The following APBB1IP variants were observed in gnomAD, a reference collection of about 807,000 sequenced individuals.
The protein encoded by APBB1IP is amyloid beta A4 precursor protein-binding family B member 1-interacting protein.
APBB1IP carries 27 observed loss-of-function variants against 64.9 expected under a neutral mutation model. That is an observed-to-expected ratio of 0.42 (90% CI 0.31 to 0.57). The LOEUF (loss-of-function observed/expected upper bound fraction) is 0.57. Ranked by LOEUF, APBB1IP falls within the 20% of genes least tolerant of loss-of-function variation. APBB1IP has a pLI of 0.20. For synonymous variants in APBB1IP, 392 were observed against 331.0 expected (o/e 1.18, Z -2.00); for missense variants, 812 against 845.5 (o/e 0.96, Z 0.49).
chr10:26,480,424 C>G (rs1487274807), intron 2 of APBB1IP, among the ~76,000 whole-genome samples: 2 of 151,980 alleles, frequency 1.3e-5, no homozygotes, highest in African/African-American at 4.8e-5. Context: ...ACATTGGCCT[C>G]TGTGAGGAGG....
chr10:26,543,284 TG>T (rs375737035), intron 11 of APBB1IP, among the ~76,000 whole-genome samples: 4 of 151,946 alleles, frequency 2.6e-5, no homozygotes, highest in African/African-American at 9.7e-5. Flanking sequence ...CTGGCCAACA[TG>T]GTGAAACCCT....
intron 3 of APBB1IP, among the ~76,000 whole-genome samples, chr10:26,496,082 C>T (rs1836020744): frequency 6.7e-6 from 1 of 149,926 alleles, no homozygotes; most frequent in South Asian, 2.1e-4. Flanking sequence ...TCTCAATTGA[C>T]GTGGTCTGTT....
At position 26,549,710 on chromosome 10, in the gene APBB1IP, T is replaced by C. The variant is rs1340336295; in HGVS notation, c.1155+8018T>C. Among the ~76,000 whole-genome samples, 3 of 152,018 alleles carry C rather than the reference T, an allele frequency of 2.0e-5. No homozygotes were observed. In the East Asian group the frequency reaches 5.8e-4, roughly 29 times the overall value. ...TTTCTTTCAGTCATCTTTCTTTTTTTCTTAGACTAGCTAAAGGTTTCTCAA... is the reference window on the plus strand; with the variant it reads ...TTTCTTTCAGTCATCTTTCTTTTTTCCTTAGACTAGCTAAAGGTTTCTCAA... On this transcript the variant is annotated intron_variant, in intron 11 of 14. Transcript: ENST00000376236.
chr10:26,525,371 C>T (rs1318934580), intron 8 of APBB1IP, among the ~76,000 whole-genome samples: 1 of 152,112 alleles, frequency 6.6e-6, no homozygotes, highest in Admixed American at 6.6e-5. Context: ...CTGAAGGCTC[C>T]AATGTCACGT....
intron 9 of APBB1IP, among the ~76,000 whole-genome samples, chr10:26,533,760 T>C (rs538824998): frequency 6.6e-6 from 1 of 152,356 alleles, no homozygotes; most frequent in Admixed American, 6.5e-5. Context: ...TTTGTAATTC[T>C]TGACTTTTAA....
At chr10:26,453,547 G>A (rs886587130) in intron 2 of APBB1IP, among the ~76,000 whole-genome samples, 1 of 152,078 alleles carries the variant, frequency 6.6e-6, no homozygotes, top group East Asian at 1.9e-4. Flanking sequence ...TTTCTCTGAT[G>A]ACGTGGACTT....
chr10:26,447,331 C>T (rs1484911295), intron 2 of APBB1IP, among the ~76,000 whole-genome samples: 23 of 146,610 alleles, frequency 1.6e-4, no homozygotes, highest in South Asian at 8.7e-4. Flanking sequence ...GCCGAGATCG[C>T]GCCACTGCAC....
At chr10:26,438,493 A>G (rs1835303817) in intron 1 of APBB1IP, 38 bp downstream of exon 1, 2 of 132,204 alleles carry the variant, frequency 1.5e-5, no homozygotes, top group Admixed American at 7.6e-5. Context: ...ATTAAAATAA[A>G]ATAAAATAAA....
chr10:26,466,419 T>C (rs1233278542), intron 2 of APBB1IP, among the ~76,000 whole-genome samples: 3 of 152,182 alleles, frequency 2.0e-5, no homozygotes, highest in African/African-American at 7.2e-5. Context: ...ATCATTATCA[T>C]TACACTGTGA....
intron 2 of APBB1IP, among the ~76,000 whole-genome samples, chr10:26,472,271 G>C (rs1301310771): frequency 1.3e-5 from 2 of 152,192 alleles, no homozygotes; most frequent in Non-Finnish European, 2.9e-5. Flanking sequence ...TTCAACAATA[G>C]AGCTGATTAA....
At chr10:26,506,706 A>T (rs1836184069) in intron 6 of APBB1IP, among the ~76,000 whole-genome samples, 1 of 151,930 alleles carries the variant, frequency 6.6e-6, no homozygotes, top group Non-Finnish European at 1.5e-5. Flanking sequence ...TCCCCCAGGG[A>T]TCTTTGTCTC....
intron 14 of APBB1IP, among the ~76,000 whole-genome samples, chr10:26,564,475 A>G (rs1837014095): frequency 6.6e-6 from 1 of 152,200 alleles, no homozygotes; most frequent in South Asian, 2.1e-4. Context: ...CTAATTTTAT[A>G]TCCAGTGAAC....
chr10:26,492,337 C>T lies in APBB1IP; in HGVS notation c.11C>T (p.Ser4Leu). Residue 4 changes from serine (S) to leucine (L), a missense_variant, in exon 3 of 15, where the codon TCA becomes TTA. Ser to Leu is a moderately radical substitution (Grantham distance 145). This residue lies in a region of APBB1IP where 394 missense variants were observed against 413.1 expected (regional missense o/e 0.95). Transcript: ENST00000376236. ...TTCTTCCTTTTTCAGATGGGTGAGT[C>T]AAGTGAAGACATAGACCAAATGTTC... MGE[S>L]SEDIDQMFST... 6.2e-7 allele frequency: 1 copy of T among 1,613,812 alleles called. No individual in the cohort carries two copies. The highest frequency in any genetic ancestry group is 2.2e-5 in the East Asian group (1 of 44,852).
intron 3 of APBB1IP, among the ~76,000 whole-genome samples, chr10:26,495,594 C>A (rs76545497): frequency 6.7e-6 from 1 of 149,012 alleles, no homozygotes; most frequent in African/African-American, 2.5e-5. Context: ...CATAGTAAGA[C>A]CCCCGTCTCA....
At chr10:26,460,768 T>C (rs1028913898) in intron 2 of APBB1IP, among the ~76,000 whole-genome samples, 3 of 151,972 alleles carry the variant, frequency 2.0e-5, no homozygotes, top group Admixed American at 6.6e-5. Context: ...CATGGACACA[T>C]TGGGGGAACA....
At chr10:26,547,619 T>A (rs1057514551) in intron 11 of APBB1IP, among the ~76,000 whole-genome samples, 3 of 152,048 alleles carry the variant, frequency 2.0e-5, no homozygotes, top group African/African-American at 7.2e-5. Flanking sequence ...TTTTTTTGTA[T>A]TTTTTAGTAG....
chr10:26,490,515 C>T (rs1835942420), intron 2 of APBB1IP, among the ~76,000 whole-genome samples: 1 of 152,106 alleles, frequency 6.6e-6, no homozygotes, highest in Admixed American at 6.5e-5. Context: ...ATTCCAGCTA[C>T]TCAGGAGGCT....
chr10:26,526,787 A>G (rs1020727815), intron 8 of APBB1IP, among the ~76,000 whole-genome samples: 6 of 152,180 alleles, frequency 3.9e-5, no homozygotes, highest in Non-Finnish European at 7.3e-5. Flanking sequence ...AGAAAAATAT[A>G]AGGAAGGAAA....
chr10:26,481,843 G>T (rs1372360175), intron 2 of APBB1IP, among the ~76,000 whole-genome samples: 1 of 151,742 alleles, frequency 6.6e-6, no homozygotes, highest in African/African-American at 2.4e-5. Flanking sequence ...GTGTGTGTGT[G>T]TGTGTGTGTG....
Sources: gnomAD v4.1 joint callset for allele counts (sites outside exome capture counted in the v4.1 genomes callset) on GRCh38, gnomAD v4.1.1 for gene constraint, gnomAD v4.1.1 regional missense constraint, MANE v1.5 for transcripts, NCBI Gene and HGNC (gene_info 2026-07-23, HGNC 2026-07-21) for gene names.